Variants in GAS2 observed in about 807,000 individuals in gnomAD.
GAS2 encodes the protein growth arrest specific 2.
In GAS2, 20 loss-of-function variants were observed where a neutral mutation model predicts 37.5. The observed-to-expected ratio is 0.53, with a 90% CI of 0.37 to 0.77. The LOEUF (loss-of-function observed/expected upper bound fraction) is 0.77. Among genes scored for constraint, GAS2 ranks in the 30% least tolerant of loss-of-function variants. The probability of loss-of-function intolerance (pLI) is 0.00; values close to 1 mark genes in which losing one functional copy is unlikely to be tolerated. For missense variants in GAS2, 336 were observed against 373.4 expected, an observed-to-expected ratio of 0.90 and a Z score of 0.82; for synonymous variants, 144 against 132.2, an observed-to-expected ratio of 1.09 and a Z score of -0.61.
intron 7 of GAS2, among the ~76,000 whole-genome samples, chr11:22,810,330 G>A (rs1395893734): frequency 7.4e-6 from 1 of 134,538 alleles, no homozygotes; most frequent in East Asian, 2.0e-4. Flanking sequence ...CGGTGTTCTG[G>A]TAAGTTTCAG....
intron 1 of GAS2, among the ~76,000 whole-genome samples, chr11:22,630,218 C>A (rs1316094364): frequency 6.6e-6 from 1 of 152,118 alleles, no homozygotes; most frequent in African/African-American, 2.4e-5. Flanking sequence ...CCACAACAGG[C>A]CCTGGTGTGT....
At position 22,697,562 on chromosome 11, in the gene GAS2, G is replaced by C. The variant is rs1046093711; in HGVS notation, c.267+11773G>C. 6.0e-3 allele frequency among the ~76,000 whole-genome samples: 918 copies of C among 152,216 alleles called. 12 individuals carry two copies. The highest frequency in any genetic ancestry group is 0.019 in the African/African-American group (808 of 41,540). On this transcript the variant is annotated intron_variant, in intron 3 of 7. Coordinates refer to ENST00000454584, the MANE Select transcript of GAS2 (RefSeq NM_001143830.3). ...TATGACCATTTTCACGATACTGATTGTTCCTACCCATGAGCATGGAATGTT... is the reference window on the plus strand; with the variant it reads ...TATGACCATTTTCACGATACTGATTCTTCCTACCCATGAGCATGGAATGTT...
intron 3 of GAS2, among the ~76,000 whole-genome samples, chr11:22,716,403 G>A (rs773975508): frequency 1.3e-5 from 2 of 152,092 alleles, no homozygotes; most frequent in African/African-American, 4.8e-5. Context: ...ACTTTGGAAG[G>A]CTGAGACAGG....
intron 4 of GAS2, among the ~76,000 whole-genome samples, chr11:22,731,982 G>GC (rs1465034070): frequency 2.0e-5 from 3 of 150,978 alleles, no homozygotes; most frequent in Non-Finnish European, 4.4e-5. Flanking sequence ...TTCAAATCTG[G>GC]CCCTCTCCCC....
At chr11:22,769,543 T>C (rs2134418077) in intron 7 of GAS2, among the ~76,000 whole-genome samples, 1 of 152,266 alleles carries the variant, frequency 6.6e-6, no homozygotes, top group East Asian at 1.9e-4. Flanking sequence ...GAAGATGAAA[T>C]ATTCTAAAGA....
chr11:22,628,596 T>C (rs955739275), intron 1 of GAS2, among the ~76,000 whole-genome samples: 4 of 152,236 alleles, frequency 2.6e-5, no homozygotes. Context: ...TTGTAGCTCA[T>C]AAAACTTTCT....
At chr11:22,751,382 G>A (rs1323163309) in intron 6 of GAS2, among the ~76,000 whole-genome samples, 1 of 151,830 alleles carries the variant, frequency 6.6e-6, no homozygotes, top group Non-Finnish European at 1.5e-5. Flanking sequence ...TCATTCCTTG[G>A]TGCTGCCAAG....
chr11:22,636,771 A>G (rs1858827505), intron 1 of GAS2, among the ~76,000 whole-genome samples: 1 of 151,490 alleles, frequency 6.6e-6, no homozygotes, highest in African/African-American at 2.4e-5. Flanking sequence ...TAGAGTGTAC[A>G]GGCTTAATAT....
intron 4 of GAS2, among the ~76,000 whole-genome samples, chr11:22,734,541 G>T (rs1240453464): frequency 6.6e-6 from 1 of 151,484 alleles, no homozygotes; most frequent in Admixed American, 6.6e-5. Flanking sequence ...CACAAAAAGT[G>T]CTTGCAGGGA....
intron 1 of GAS2, among the ~76,000 whole-genome samples, chr11:22,656,460 AT>A (rs542120091): frequency 8.7e-4 from 132 of 152,380 alleles, no homozygotes; most frequent in African/African-American, 3.1e-3. Flanking sequence ...TGTGTGAAGG[AT>A]AAACTGAATG....
Position 22,735,047 on chromosome 11 carries a change from T to C in GAS2, c.410-2658T>C, listed in dbSNP as rs549747700. On this transcript the variant is annotated intron_variant, in intron 4 of 7. Transcript: ENST00000454584. Reference sequence around the variant, plus strand: ...ATGCTAGGTAAAACTTTAGCCTTTATTCAGTTTGTTCATCATCACAACCCC... The same window carrying C: ...ATGCTAGGTAAAACTTTAGCCTTTACTCAGTTTGTTCATCATCACAACCCC... Among the ~76,000 whole-genome samples the C allele has an allele frequency of 4.3e-4, 65 of 151,732 alleles. 1 individual carries two copies. In the South Asian group the frequency reaches 0.014, roughly 32 times the overall value.
chr11:22,677,628 G>A (rs1380101176), intron 2 of GAS2, among the ~76,000 whole-genome samples: 1 of 152,160 alleles, frequency 6.6e-6, no homozygotes, highest in Non-Finnish European at 1.5e-5. Context: ...TGATCAGTGT[G>A]AGCAGCCCAA....
At chr11:22,766,119 A>G (rs1203439533) in intron 7 of GAS2, among the ~76,000 whole-genome samples, 1 of 152,212 alleles carries the variant, frequency 6.6e-6, no homozygotes, top group East Asian at 1.9e-4. Flanking sequence ...CACCTTCAAC[A>G]TTGCGGATTA....
chr11:22,711,536 G>A (rs1272251459), intron 3 of GAS2, among the ~76,000 whole-genome samples: 1 of 152,230 alleles, frequency 6.6e-6, no homozygotes, highest in Non-Finnish European at 1.5e-5. Context: ...AGAAGCCACA[G>A]ATGGTGTGGG....
intron 2 of GAS2, among the ~76,000 whole-genome samples, chr11:22,679,228 A>C (rs1849566708): frequency 6.6e-6 from 1 of 152,156 alleles, no homozygotes; most frequent in Non-Finnish European, 1.5e-5. Context: ...CATTCAAAAA[A>C]GACAGCAAAA....
intron 7 of GAS2, among the ~76,000 whole-genome samples, chr11:22,772,383 A>G (rs926576945): frequency 6.6e-6 from 1 of 152,008 alleles, no homozygotes; most frequent in Non-Finnish European, 1.5e-5. Context: ...CACTACTTAA[A>G]TTGCCACAAT....
chr11:22,720,723 G>T (rs1238978816), intron 3 of GAS2, among the ~76,000 whole-genome samples: 1 of 151,928 alleles, frequency 6.6e-6, no homozygotes, highest in Non-Finnish European at 1.5e-5. Flanking sequence ...TATCTCTTCT[G>T]TTTTATATCT....
chr11:22,632,931 A>G lies in GAS2; in HGVS notation c.-21+7118A>G, dbSNP rs534003365. Among the ~76,000 whole-genome samples the G allele has an allele frequency of 1.7e-4, 26 of 151,944 alleles. No individual in the cohort carries two copies. In the East Asian group the frequency reaches 4.8e-3, roughly 28 times the overall value. ...GATTTTTTTTTTCTTTAAAATATCA[A>G]TCTGTTTAGGAAATCTTTCATTCAT... is the stretch of plus-strand genomic sequence containing the variant. On this transcript the variant is annotated intron_variant, in intron 1 of 5. Transcript: ENST00000528582.
At chr11:22,801,664 A>G (rs908804437) in intron 7 of GAS2, among the ~76,000 whole-genome samples, 2 of 152,116 alleles carry the variant, frequency 1.3e-5, no homozygotes, top group African/African-American at 4.8e-5. Context: ...TTCTAAGGTC[A>G]TATGCTAGAT....
Sources: allele counts gnomAD v4.1 joint callset (sites outside exome capture counted in the v4.1 genomes callset), GRCh38; gene constraint gnomAD v4.1.1; transcripts MANE v1.5; gene names NCBI Gene and HGNC (gene_info 2026-07-23, HGNC 2026-07-21).